The following METTL8 variants were observed in gnomAD, a reference collection of about 807,000 sequenced individuals.
The protein encoded by METTL8 is tRNA N(3)-cytidine methyltransferase METTL8, mitochondrial.
METTL8 carries 32 observed loss-of-function variants against 48.7 expected under a neutral mutation model. The ratio of observed to expected loss-of-function variants is 0.66; its 90% CI spans 0.50 to 0.88. The LOEUF is 0.88. METTL8 is among the 40% of genes least tolerant of loss of function. The pLI, the probability that METTL8 is intolerant of heterozygous loss-of-function variation, is 0.00. For missense variants in METTL8, 464 were observed against 474.4 expected, an observed-to-expected ratio of 0.98 and a Z score of 0.20; for synonymous variants, 136 against 157.1, an observed-to-expected ratio of 0.87 and a Z score of 1.01.
chr2:171,336,106 T>G (rs1208370102), intron 5 of METTL8, among the ~76,000 whole-genome samples: 2 of 152,138 alleles, frequency 1.3e-5, no homozygotes, highest in East Asian at 3.8e-4. Context: ...CTCTGCTTTT[T>G]TTTTTTTTGA....
At chr2:171,363,817 T>TC (rs1228494441) in intron 2 of METTL8, among the ~76,000 whole-genome samples, 3 of 129,022 alleles carry the variant, frequency 2.3e-5, no homozygotes, top group East Asian at 4.2e-4. Flanking sequence ...TATATATATC[T>TC]TTTTTTTTTT....
intron 7 of METTL8, among the ~76,000 whole-genome samples, chr2:171,326,820 C>T (rs1306465221): frequency 1.3e-5 from 2 of 152,188 alleles, no homozygotes; most frequent in African/African-American, 2.4e-5. Flanking sequence ...CTTCCTAACA[C>T]GCTGTATTAT....
intron 3 of METTL8, among the ~76,000 whole-genome samples, chr2:171,350,215 T>C (rs1683746233): frequency 6.6e-6 from 1 of 152,232 alleles, no homozygotes; most frequent in Non-Finnish European, 1.5e-5. Flanking sequence ...ATGTGGTGTT[T>C]GCTTTTCTGT....
chr2:171,331,987 G>C, intron 5 of METTL8, 120 bp from the exon 6 acceptor site: 1 of 658,298 alleles, frequency 1.5e-6, no homozygotes, highest in Admixed American at 2.6e-5. Context: ...CTGGACTCTA[G>C]CGATCTTGCT....
At chr2:171,429,564 A>C (rs1302816592) in intron 1 of METTL8, among the ~76,000 whole-genome samples, 1 of 152,240 alleles carries the variant, frequency 6.6e-6, no homozygotes, top group East Asian at 1.9e-4. Flanking sequence ...TTAACTTGTA[A>C]ATGTTCGGGT....
At chr2:171,433,994 G>A, upstream of METTL8, 1 of 228,304 alleles carries the variant, frequency 4.4e-6, no homozygotes, top group South Asian at 5.0e-5. Flanking sequence ...TGTGAGTACC[G>A]GGGCAGTGAG....
At chr2:171,351,327 T>C (rs1683889312) in intron 3 of METTL8, among the ~76,000 whole-genome samples, 1 of 152,196 alleles carries the variant, frequency 6.6e-6, no homozygotes, top group Non-Finnish European at 1.5e-5. Context: ...TCTATATCTC[T>C]GTTTTGGTAC....
intron 1 of METTL8, among the ~76,000 whole-genome samples, chr2:171,420,672 T>C (rs1295460192): frequency 6.6e-6 from 1 of 152,146 alleles, no homozygotes; most frequent in African/African-American, 2.4e-5. Context: ...ACCCAAAGCC[T>C]ACAATGTATA....
chr2:171,343,320 T>A (rs181996215), intron 3 of METTL8, among the ~76,000 whole-genome samples: 374 of 152,128 alleles, frequency 2.5e-3, no homozygotes, highest in Middle Eastern at 6.8e-3. Flanking sequence ...ATGCCTGTAA[T>A]CCCAGCTACT....
At chr2:171,373,734 G>A (rs1316677559) in intron 2 of METTL8, among the ~76,000 whole-genome samples, 1 of 152,134 alleles carries the variant, frequency 6.6e-6, no homozygotes, top group African/African-American at 2.4e-5. Flanking sequence ...TATTAAATAG[G>A]GAATCCTTTC....
At chr2:171,396,019 A>C (rs771181840) in intron 1 of METTL8, among the ~76,000 whole-genome samples, 4 of 152,080 alleles carry the variant, frequency 2.6e-5, no homozygotes, top group Non-Finnish European at 5.9e-5. Context: ...TGCCTGTAAT[A>C]CCAGCACTTT....
In METTL8 at chr2:171,356,952, A is replaced by ATTTTTTTTTT. The variant is rs763021449; in HGVS notation, c.235+3460_235+3469dup. Among the ~76,000 whole-genome samples the ATTTTTTTTTT allele has an allele frequency of 1.8e-4, 14 of 78,488 alleles. 2 individuals are homozygous for ATTTTTTTTTT. Among genetic ancestry groups the ATTTTTTTTTT allele is most frequent in the African/African-American group, 6.2e-4 (14 of 22,476 alleles). 51.5% of individuals were successfully genotyped at this position (78,488 alleles called of 152,430 possible). ...CAAATTAGCCTTGTTCAAAGACAAT[A>ATTTTTTTTTT]TTTTTTTTTTTTTTTTTGAGACAGG... On this transcript the variant is annotated intron_variant, in intron 3 of 9. Transcript: ENST00000375258.
intron 1 of METTL8, among the ~76,000 whole-genome samples, chr2:171,399,502 C>A (rs1214490608): frequency 6.6e-6 from 1 of 152,128 alleles, no homozygotes; most frequent in Non-Finnish European, 1.5e-5. Context: ...CCTGAGCAGA[C>A]TACCACCACA....
chr2:171,423,759 G>A (rs947505779), intron 1 of METTL8, among the ~76,000 whole-genome samples: 1 of 152,198 alleles, frequency 6.6e-6, no homozygotes, highest in African/African-American at 2.4e-5. Context: ...TGAAAAATGT[G>A]CAGCCTGATA....
Position 171,321,824 on chromosome 2 carries a change from C to T in METTL8, c.*2348G>A, listed in dbSNP as rs899958407. 1 of 152,050 alleles carries T rather than the reference C, an allele frequency of 6.6e-6. No individual in the cohort carries two copies. The highest frequency in any genetic ancestry group is 1.5e-5 in the Non-Finnish European group (1 of 68,026). The allele number at this position is 152,050 out of a possible 1,614,324, so 9.4% of individuals were successfully genotyped here. On this transcript the variant is annotated 3_prime_UTR_variant, in exon 10 of 10. Transcript: ENST00000375258. ...TGGGTCTTTATTGTTCATATTATTC[C>T]ACTGAATTTAGCACTCAATATGTAA...
intron 2 of METTL8, among the ~76,000 whole-genome samples, chr2:171,371,808 T>G (rs1340419305): frequency 6.7e-6 from 1 of 148,982 alleles, no homozygotes; most frequent in Non-Finnish European, 1.5e-5. Flanking sequence ...ATTTTTAAAA[T>G]TTTTAAATTA....
intron 7 of METTL8, among the ~76,000 whole-genome samples, chr2:171,328,849 C>T (rs13002817): frequency 0.21 from 31,784 of 152,000 alleles, 3,552 homozygotes; most frequent in Non-Finnish European, 0.25. Flanking sequence ...GCCACCACAG[C>T]CAGGTGATTT....
At chr2:171,388,316 T>C (rs554039887) in intron 2 of METTL8, among the ~76,000 whole-genome samples, 1 of 152,322 alleles carries the variant, frequency 6.6e-6, no homozygotes, top group Non-Finnish European at 1.5e-5. Context: ...ATAATGTCAT[T>C]TATTTATCTT....
chr2:171,405,658 GA>G lies in METTL8; in HGVS notation c.-12-13462del, dbSNP rs542487982. On this transcript the variant is annotated intron_variant, in intron 1 of 9. Transcript: ENST00000375258. ...TCTTGAGTATCATTGTAGGATGAGA[GA>G]ACACACACACACAAAGACTGAAGAT... Among the ~76,000 whole-genome samples, 960 of 152,060 alleles carry G rather than the reference GA, an allele frequency of 6.3e-3. 11 individuals carry two copies. The highest frequency in any genetic ancestry group is 0.022 in the African/African-American group (911 of 41,462).
Sources: gnomAD v4.1 joint callset for allele counts (sites outside exome capture counted in the v4.1 genomes callset) on GRCh38, gnomAD v4.1.1 for gene constraint, MANE v1.5 for transcripts, NCBI Gene and HGNC (gene_info 2026-07-23, HGNC 2026-07-21) for gene names.